TXNRD1: variants seen among roughly 807,000 people sequenced by gnomAD.
TXNRD1 encodes the protein thioredoxin reductase 1, cytoplasmic.
A neutral mutation model predicts 80.3 loss-of-function variants in TXNRD1; 57 were observed. The observed-to-expected ratio is 0.71, with a 90% CI of 0.57 to 0.89. The LOEUF is 0.89. Ranked by LOEUF, TXNRD1 falls within the 40% of genes least tolerant of loss-of-function variation. The pLI, the probability that TXNRD1 is intolerant of heterozygous loss-of-function variation, is 0.00. For synonymous variants in TXNRD1, 291 were observed against 285.2 expected (o/e 1.02, Z -0.20); for missense variants, 730 against 803.0 (o/e 0.91, Z 1.10).
At chr12:104,249,731 C>T (rs527948070) in intron 1 of TXNRD1, among the ~76,000 whole-genome samples, 2 of 151,974 alleles carry the variant, frequency 1.3e-5, no homozygotes, top group South Asian at 4.1e-4. Flanking sequence ...GTCAGGAGAT[C>T]AAGACCATCC....
At chr12:104,317,340 A>G (rs1352605440) in intron 7 of TXNRD1, among the ~76,000 whole-genome samples, 2 of 149,332 alleles carry the variant, frequency 1.3e-5, no homozygotes, top group Non-Finnish European at 3.0e-5. Flanking sequence ...CTCTAGAACC[A>G]TAACCGCAGT....
At chr12:104,303,759 C>A in intron 4 of TXNRD1, 1 of 1,128,514 alleles carries the variant, frequency 8.9e-7, no homozygotes, top group Non-Finnish European at 1.2e-6. Context: ...GTCCTCGGCT[C>A]TAACTGCCGC....
At chr12:104,344,842 G>A (rs2036441287) in intron 16 of TXNRD1, among the ~76,000 whole-genome samples, 1 of 152,170 alleles carries the variant, frequency 6.6e-6, no homozygotes, top group Non-Finnish European at 1.5e-5. Context: ...TCTGCAAATA[G>A]AGCTACCATA....
intron 8 of TXNRD1, 82 bp from the exon 9 acceptor site, chr12:104,319,388 G>A (rs2035450946): frequency 2.3e-6 from 2 of 874,470 alleles, no homozygotes; most frequent in Admixed American, 2.5e-5. Context: ...AGACAATGTA[G>A]TGAATGGCCT....
intron 12 of TXNRD1, 106 bp downstream of exon 12, chr12:104,326,529 G>A (rs955415362): frequency 6.1e-6 from 4 of 657,788 alleles, no homozygotes; most frequent in Non-Finnish European, 7.3e-6. Context: ...ACAATGGCAC[G>A]ATCTCGGCTC....
At chr12:104,267,165 CAAA>C (rs925258421) in intron 3 of TXNRD1, among the ~76,000 whole-genome samples, 11 of 53,840 alleles carry the variant, frequency 2.0e-4, no homozygotes, top group South Asian at 5.0e-4. Flanking sequence ...GACTCCCTCT[CAAA>C]AAAAAAAAAA....
Position 104,349,482 on chromosome 12 carries a change from T to C in TXNRD1, c.*1061T>C, listed in dbSNP as rs1002504370. The C allele has an allele frequency of 2.6e-5, 4 of 152,678 alleles. No homozygotes were observed. Among genetic ancestry groups the C allele is most frequent in the African/African-American group, 9.6e-5 (4 of 41,468 alleles). 9.5% of individuals were successfully genotyped at this position (152,678 alleles called of 1,614,324 possible). On this transcript the variant is annotated 3_prime_UTR_variant, in exon 17 of 17. Transcript: ENST00000525566. ...TAATATCATAAGTTATTATTAATATTTTGAACACAGGTGGATGTGAAGGAT... is the reference window on the plus strand; with the variant it reads ...TAATATCATAAGTTATTATTAATATCTTGAACACAGGTGGATGTGAAGGAT...
At chr12:104,222,351 G>T (rs535769294) in intron 1 of TXNRD1, among the ~76,000 whole-genome samples, 1 of 151,946 alleles carries the variant, frequency 6.6e-6, no homozygotes, top group African/African-American at 2.4e-5. Flanking sequence ...TATGGTTTTC[G>T]AAACGTTAAA....
At chr12:104,313,663 G>A (rs995298905) in intron 6 of TXNRD1, among the ~76,000 whole-genome samples, 2 of 152,180 alleles carry the variant, frequency 1.3e-5, no homozygotes, top group African/African-American at 4.8e-5. Context: ...TTCAACAAGA[G>A]TTGGAATCAG....
intron 1 of TXNRD1, among the ~76,000 whole-genome samples, chr12:104,241,660 A>G (rs1010050724): frequency 3.3e-5 from 5 of 151,950 alleles, no homozygotes; most frequent in African/African-American, 1.2e-4. Context: ...GAACCACCAC[A>G]CCCAGCCAGT....
chr12:104,303,089 C>T (rs2135782240), intron 4 of TXNRD1, among the ~76,000 whole-genome samples: 1 of 152,282 alleles, frequency 6.6e-6, no homozygotes. Flanking sequence ...CCATTCTATT[C>T]TTCCACTCCT....
Position 104,251,593 on chromosome 12 carries a change from C to T in TXNRD1, c.158C>T (p.Ala53Val). The change falls in exon 2 of 17, where the codon GCA becomes GTA. Residue 53 changes from alanine to valine, a missense_variant. Coordinates refer to ENST00000525566, the MANE Select transcript of TXNRD1 (RefSeq NM_001093771.3). ...GCAGGATTCACCAGCACGGCCACTG[C>T]AGACTCCAGAGCCCTGCTTCAGGCC... is the stretch of plus-strand genomic sequence containing the variant. ...NPAGFTSTAT[A>V]DSRALLQAYI... The T allele has an allele frequency of 6.2e-7, 1 of 1,613,930 alleles. No homozygotes were observed. Among genetic ancestry groups the T allele is most frequent in the Admixed American group, 1.7e-5 (1 of 60,010 alleles).
At chr12:104,277,175 A>G (rs951306398) in intron 3 of TXNRD1, among the ~76,000 whole-genome samples, 3 of 151,676 alleles carry the variant, frequency 2.0e-5, no homozygotes, top group African/African-American at 4.9e-5. Context: ...GTGGATCACA[A>G]GATCGGGAGA....
At position 104,302,570 on chromosome 12, in the gene TXNRD1, A is replaced by G. The variant is rs182882288; in HGVS notation, c.415-8720A>G. ...AGTGGCCCGATCTCGGCTCACTGCAAACTCCGCCTCCTGGGTTCACGCCAT... is the reference window on the plus strand; with the variant it reads ...AGTGGCCCGATCTCGGCTCACTGCAGACTCCGCCTCCTGGGTTCACGCCAT... On this transcript the variant is annotated intron_variant, in intron 4 of 16. Coordinates refer to ENST00000525566, the MANE Select transcript of TXNRD1 (RefSeq NM_001093771.3). Among the ~76,000 whole-genome samples, 507 of 136,344 alleles carry G rather than the reference A, an allele frequency of 3.7e-3. 1 individual carries two copies. The highest frequency in any genetic ancestry group is 0.014 in the African/African-American group (489 of 35,534). 89.4% of individuals were successfully genotyped at this position (136,344 alleles called of 152,430 possible).
intron 3 of TXNRD1, chr12:104,284,356 A>G (rs1188078729): frequency 6.6e-6 from 1 of 152,226 alleles, no homozygotes; most frequent in African/African-American, 2.4e-5. Flanking sequence ...TGTCAACGCG[A>G]CTGAGAAGCT....
In TXNRD1 at chr12:104,348,638, T is replaced by TTTGG; in HGVS notation, c.*218_*221dup. On this transcript the variant is annotated 3_prime_UTR_variant, in exon 17 of 17. Transcript: ENST00000525566. Reference sequence around the variant, plus strand: ...GTCACTGACAGACTTGAAGCTGACATTTGGCAGGGCATCGAAGGGATGCAT... The same window carrying TTTGG: ...GTCACTGACAGACTTGAAGCTGACATTTGGTTGGCAGGGCATCGAAGGGATGCAT... 1 of 546,264 alleles carries TTTGG rather than the reference T, an allele frequency of 1.8e-6. No individual in the cohort carries two copies. Among genetic ancestry groups the TTTGG allele is most frequent in the South Asian group, 2.4e-5 (1 of 41,694 alleles). The allele number at this position is 546,264 out of a possible 1,614,324, so 33.8% of individuals were successfully genotyped here. A position where few individuals can be genotyped will look rare whatever the true frequency, so the allele number is the denominator to read the frequency against.
chr12:104,251,559 G>C lies in TXNRD1; in HGVS notation c.124G>C (p.Glu42Gln). Residue 42 changes from glutamate (E) to glutamine (Q), a missense_variant, in exon 2 of 17, where the codon GAG becomes CAG. Glu to Gln is a conservative substitution (Grantham distance 29). Transcript: ENST00000525566. Reference protein sequence around the residue: ...KDHHPGKTLPENPAGFTSTAT... With the variant: ...KDHHPGKTLPQNPAGFTSTAT... Reference sequence around the variant, plus strand: ...TCATCACCCTGGTAAAACTTTGCCAGAGAACCCAGCAGGATTCACCAGCAC... The same window carrying C: ...TCATCACCCTGGTAAAACTTTGCCACAGAACCCAGCAGGATTCACCAGCAC... 1 of 1,613,876 alleles carries C rather than the reference G, an allele frequency of 6.2e-7. No individual in the cohort carries two copies. The highest frequency in any genetic ancestry group is 8.5e-7 in the Non-Finnish European group (1 of 1,179,862).
chr12:104,346,138 G>T, intron 16 of TXNRD1: 1 of 471,126 alleles, frequency 2.1e-6, no homozygotes, highest in Non-Finnish European at 3.9e-6. Context: ...TCAGTCTCCT[G>T]AGTAGCTGGG....
At chr12:104,312,229 G>T (rs1217134938) in intron 5 of TXNRD1, among the ~76,000 whole-genome samples, 1 of 152,082 alleles carries the variant, frequency 6.6e-6, no homozygotes, top group Non-Finnish European at 1.5e-5. Flanking sequence ...TATATGTGAG[G>T]TTATCTAATA....
Sources: allele counts gnomAD v4.1 joint callset (sites outside exome capture counted in the v4.1 genomes callset), GRCh38; gene constraint gnomAD v4.1.1; transcripts MANE v1.5; gene names NCBI Gene and HGNC (gene_info 2026-07-23, HGNC 2026-07-21).